The following GLIS3 variants were observed in gnomAD, a reference collection of about 807,000 sequenced individuals.
GLIS3 encodes GLIS family zinc finger 3, also known as zinc finger protein GLIS3.
A neutral mutation model predicts 78.6 loss-of-function variants in GLIS3; 53 were observed. The observed-to-expected ratio is 0.67, with a 90% confidence interval of 0.54 to 0.85. The LOEUF (loss-of-function observed/expected upper bound fraction) is 0.85, where lower values mean the gene tolerates loss of function less well. GLIS3 is among the 40% of genes least tolerant of loss of function. The pLI is 0.00. For synonymous variants in GLIS3, 684 were observed against 509.9 expected, an observed-to-expected ratio of 1.34 and a Z score of -4.60; for missense variants, 1,703 against 1,231.1, an observed-to-expected ratio of 1.38 and a Z score of -5.74.
At chr9:4,090,686 T>C (rs1215821019) in intron 4 of GLIS3, among the ~76,000 whole-genome samples, 6 of 152,180 alleles carry the variant, frequency 3.9e-5, no homozygotes, top group Admixed American at 6.5e-5. Context: ...GGCCACGGCA[T>C]CCAGTGTTCC....
the GLIS3 span, among the ~76,000 whole-genome samples, chr9:4,459,569 G>C: frequency 6.6e-6 from 1 of 152,228 alleles, no homozygotes; most frequent in Non-Finnish European, 1.5e-5. Flanking sequence ...CTCGTGACCA[G>C]ACTGGGCAAC....
chr9:4,430,874 C>T, the GLIS3 span, among the ~76,000 whole-genome samples: 1 of 149,702 alleles, frequency 6.7e-6, no homozygotes, highest in South Asian at 2.1e-4. Context: ...GGGTTCATTT[C>T]CCCAGCATTT....
At chr9:4,357,847 C>G in the GLIS3 span, among the ~76,000 whole-genome samples, 1 of 152,194 alleles carries the variant, frequency 6.6e-6, no homozygotes, top group Non-Finnish European at 1.5e-5. Context: ...CCCATTGAAT[C>G]TGTGTCAATG....
intron 2 of GLIS3, among the ~76,000 whole-genome samples, chr9:4,152,483 C>T (rs979733901): frequency 4.6e-5 from 7 of 152,200 alleles, no homozygotes; most frequent in African/African-American, 1.7e-4. Flanking sequence ...TAGGAGCCTA[C>T]ACAAATTATG....
At chr9:4,445,173 G>A in the GLIS3 span, among the ~76,000 whole-genome samples, 4 of 152,158 alleles carry the variant, frequency 2.6e-5, no homozygotes, top group East Asian at 5.8e-4. Context: ...CTGGACCTCA[G>A]TTTATTCATG....
chr9:4,405,517 T>C, the GLIS3 span, among the ~76,000 whole-genome samples: 2 of 152,028 alleles, frequency 1.3e-5, no homozygotes, highest in Admixed American at 6.6e-5. Context: ...CCTATTAAGA[T>C]TGAATCAGGA....
At chr9:3,968,923 A>C (rs1321685369) in intron 4 of GLIS3, among the ~76,000 whole-genome samples, 2 of 152,216 alleles carry the variant, frequency 1.3e-5, no homozygotes, top group Non-Finnish European at 2.9e-5. Context: ...TGAGTGAGCA[A>C]ATTTAAATAT....
rs540401317 is a variant in GLIS3, at chr9:3,923,466, T to C, written c.1983+8894A>G. On this transcript the variant is annotated intron_variant, in intron 6 of 10. Transcript: ENST00000381971. ...CTGGAATCCGGGTAATAAGAAAAAA[T>C]TGTGGGAAACTAGAGATATTAAAGG... 2.6e-5 allele frequency among the ~76,000 whole-genome samples: 4 copies of C among 151,980 alleles called. No individual in the cohort carries two copies. In the South Asian group the frequency reaches 8.3e-4, roughly 32 times the overall value.
intron 2 of GLIS3, among the ~76,000 whole-genome samples, chr9:4,166,328 G>A (rs1835891132): frequency 6.6e-6 from 1 of 152,188 alleles, no homozygotes; most frequent in Admixed American, 6.5e-5. Flanking sequence ...AGTGAAGGGT[G>A]GAAAGGAAAG....
At chr9:4,223,614 C>G (rs1158316634) in intron 2 of GLIS3, among the ~76,000 whole-genome samples, 1 of 152,180 alleles carries the variant, frequency 6.6e-6, no homozygotes, top group African/African-American at 2.4e-5. Context: ...CGTGAACAAC[C>G]ACTACTCACA....
intron 4 of GLIS3, among the ~76,000 whole-genome samples, chr9:4,052,756 CT>C (rs1485771178): frequency 6.6e-6 from 1 of 152,036 alleles, no homozygotes. Flanking sequence ...CATCTTTTGC[CT>C]ATTATGAGCA....
chr9:3,901,941 A>G (rs1479235547), intron 6 of GLIS3, among the ~76,000 whole-genome samples: 1 of 152,244 alleles, frequency 6.6e-6, no homozygotes, highest in Non-Finnish European at 1.5e-5. Flanking sequence ...TCATTAAAAT[A>G]TGATCTGGGG....
chr9:4,188,070 G>C (rs567736752), intron 2 of GLIS3, among the ~76,000 whole-genome samples: 73 of 152,030 alleles, frequency 4.8e-4, no homozygotes, highest in African/African-American at 1.7e-3. Flanking sequence ...TCCCTGTCTT[G>C]TGCCAGTTTT....
the GLIS3 span, among the ~76,000 whole-genome samples, chr9:4,430,538 G>A: frequency 6.6e-6 from 1 of 152,140 alleles, no homozygotes; most frequent in Non-Finnish European, 1.5e-5. Flanking sequence ...CTTGAACTTT[G>A]ATGATTCCAT....
rs531114631 is a variant in GLIS3, at chr9:4,212,812, A to G, written c.388+73226T>C. 3.3e-5 allele frequency among the ~76,000 whole-genome samples: 5 copies of G among 152,290 alleles called. No individual in the cohort carries two copies. The South Asian group carries it at 1.0e-3, about 32-fold the overall frequency. ...AATGAGTAGAAGAGAAGTTTCAGAAAAGTTAATGGGGGCCAGATGACAAAG... is the reference window on the plus strand; with the variant it reads ...AATGAGTAGAAGAGAAGTTTCAGAAGAGTTAATGGGGGCCAGATGACAAAG... On this transcript the variant is annotated intron_variant, in intron 2 of 10. Coordinates refer to ENST00000381971, the MANE Select transcript of GLIS3 (RefSeq NM_001042413.2).
the GLIS3 span, among the ~76,000 whole-genome samples, chr9:4,429,874 C>G: frequency 1.3e-5 from 2 of 152,028 alleles, no homozygotes; most frequent in Non-Finnish European, 2.9e-5. Context: ...CATGCATTAC[C>G]TTGGATAACC....
At chr9:4,020,925 G>C (rs1051765252) in intron 4 of GLIS3, among the ~76,000 whole-genome samples, 2 of 152,162 alleles carry the variant, frequency 1.3e-5, no homozygotes, top group Non-Finnish European at 1.5e-5. Flanking sequence ...CCTGCACACA[G>C]TTCCAAAAAT....
chr9:4,375,517 A>G, the GLIS3 span, among the ~76,000 whole-genome samples: 3 of 152,182 alleles, frequency 2.0e-5, no homozygotes, highest in Non-Finnish European at 2.9e-5. Context: ...CAGCTGACTG[A>G]TGCTCTCTCT....
chr9:4,363,160 C>T, the GLIS3 span, among the ~76,000 whole-genome samples: 1 of 152,186 alleles, frequency 6.6e-6, no homozygotes, highest in African/African-American at 2.4e-5. Context: ...CAGTGGCTCA[C>T]ACATGTAATC....
Sources: allele counts gnomAD v4.1 joint callset (sites outside exome capture counted in the v4.1 genomes callset), GRCh38; gene constraint gnomAD v4.1.1; transcripts MANE v1.5; gene names NCBI Gene and HGNC (gene_info 2026-07-23, HGNC 2026-07-21).